The following ADGRA3 variants were observed in gnomAD, a reference collection of about 807,000 sequenced individuals.
ADGRA3 encodes the protein G-protein coupled receptor 125.
Under a neutral mutation model 119.8 loss-of-function variants are expected in ADGRA3, and 56 were observed. That is an observed-to-expected ratio of 0.47 (90% confidence interval 0.38 to 0.58). The LOEUF is 0.58. ADGRA3 is among the 20% of genes least tolerant of loss of function. The pLI, the probability that ADGRA3 is intolerant of heterozygous loss-of-function variation, is 0.00. For missense variants in ADGRA3, 1,516 were observed against 1,649.0 expected (o/e 0.92, Z 1.40); for synonymous variants, 607 against 623.8 (o/e 0.97, Z 0.40).
At chr4:22,421,355 A>G (rs987559437) in intron 11 of ADGRA3, among the ~76,000 whole-genome samples, 1 of 152,180 alleles carries the variant, frequency 6.6e-6, no homozygotes, top group African/African-American at 2.4e-5. Flanking sequence ...ATCAGGTCTA[A>G]GAAGTCAATT....
At chr4:22,473,591 T>A (rs1013297712) in intron 2 of ADGRA3, among the ~76,000 whole-genome samples, 181 bp downstream of exon 2, 4 of 152,238 alleles carry the variant, frequency 2.6e-5, no homozygotes, top group Admixed American at 6.5e-5. Context: ...TCTGGCCCTT[T>A]ACAGAATTTA....
At chr4:22,469,881 G>A (rs138239746) in intron 2 of ADGRA3, among the ~76,000 whole-genome samples, 4 of 152,188 alleles carry the variant, frequency 2.6e-5, no homozygotes, top group African/African-American at 7.2e-5. Flanking sequence ...CCACAAACTC[G>A]CAGACATTCA....
intron 16 of ADGRA3, among the ~76,000 whole-genome samples, chr4:22,397,527 A>C (rs770164120): frequency 1.3e-5 from 2 of 152,098 alleles, no homozygotes; most frequent in Non-Finnish European, 2.9e-5. Flanking sequence ...AGTAAATCAT[A>C]AAGTTTCATA....
chr4:22,500,287 C>A (rs996494073), intron 1 of ADGRA3, among the ~76,000 whole-genome samples: 7 of 152,260 alleles, frequency 4.6e-5, no homozygotes, highest in African/African-American at 1.7e-4. Context: ...GAAGCCAGGC[C>A]CAGCAGCCTA....
chr4:22,388,836 G>T lies in ADGRA3; in HGVS notation c.2835C>A (p.His945Gln). 2 of 1,614,020 alleles carry T rather than the reference G, an allele frequency of 1.2e-6. No individual in the cohort carries two copies. Among genetic ancestry groups the T allele is most frequent in the South Asian group, 2.2e-5 (2 of 91,080 alleles). ...CCTTAAGCTCATATTTGCGCTCAGGGTGTCTTTTCAACTGAATAAATATGC... is the reference window on the plus strand; with the variant it reads ...CCTTAAGCTCATATTTGCGCTCAGGTTGTCTTTTCAACTGAATAAATATGC... Reference protein sequence around the residue: ...FLSIFIQLKRHPERKYELKEP... With the variant: ...FLSIFIQLKRQPERKYELKEP... Residue 945 changes from histidine (H) to glutamine (Q), a missense_variant, in exon 19 of 19, where the codon CAC becomes CAA. His to Gln is a conservative substitution (Grantham distance 24). Coordinates refer to ENST00000334304, the MANE Select transcript of ADGRA3 (RefSeq NM_145290.4).
chr4:22,442,520 C>T (rs937183030), intron 7 of ADGRA3, 130 bp downstream of exon 7: 19 of 572,286 alleles, frequency 3.3e-5, no homozygotes, highest in African/African-American at 2.1e-4. Flanking sequence ...AAAGGAAATG[C>T]CAGATGTTTG....
chr4:22,448,143 G>GT (rs1325553531), intron 4 of ADGRA3, among the ~76,000 whole-genome samples: 1 of 152,150 alleles, frequency 6.6e-6, no homozygotes, highest in Admixed American at 6.5e-5. Context: ...ATTCTACAAT[G>GT]TGAGTGGTTT....
At chr4:22,455,587 A>G (rs977658149) in intron 3 of ADGRA3, among the ~76,000 whole-genome samples, 2 of 152,146 alleles carry the variant, frequency 1.3e-5, no homozygotes, top group Non-Finnish European at 2.9e-5. Flanking sequence ...CCTATTAAAT[A>G]TTACCTTCTA....
chr4:22,403,370 T>C (rs1714754415), intron 14 of ADGRA3, among the ~76,000 whole-genome samples: 1 of 151,918 alleles, frequency 6.6e-6, no homozygotes, highest in African/African-American at 2.4e-5. Context: ...TACAATCAGA[T>C]CATAACAATG....
In ADGRA3 at chr4:22,406,049, A is replaced by C. The variant is rs557680916; in HGVS notation, c.2233-3250T>G. 2.3e-4 allele frequency among the ~76,000 whole-genome samples: 35 copies of C among 152,238 alleles called. No individual in the cohort carries two copies. In the South Asian group the frequency reaches 7.3e-3, roughly 32 times the overall value. ...TCAACTTTTTCAGCTCCCACATATG[A>C]GTGAAAACATGCACTATTTGTCATT... On this transcript the variant is annotated intron_variant, in intron 14 of 18. Coordinates refer to ENST00000334304, the MANE Select transcript of ADGRA3 (RefSeq NM_145290.4).
intron 9 of ADGRA3, among the ~76,000 whole-genome samples, 192 bp downstream of exon 9, chr4:22,436,248 G>A (rs554101751): frequency 1.1e-4 from 16 of 151,906 alleles, no homozygotes; most frequent in African/African-American, 3.4e-4. Flanking sequence ...GACTGCAAAG[G>A]AAGGATTCTA....
chr4:22,443,079 C>T (rs1560319528), intron 6 of ADGRA3: 1 of 684,350 alleles, frequency 1.5e-6, no homozygotes, highest in Non-Finnish European at 2.6e-6. Flanking sequence ...CCAGTTCTGA[C>T]ATTTAGAGTT....
chr4:22,412,301 G>T (rs564072620), intron 14 of ADGRA3, among the ~76,000 whole-genome samples: 122 of 152,096 alleles, frequency 8.0e-4, no homozygotes, highest in African/African-American at 2.8e-3. Context: ...AACTAGCATG[G>T]TTTATTTCAT....
intron 1 of ADGRA3, among the ~76,000 whole-genome samples, chr4:22,512,737 G>A (rs1018795218): frequency 1.3e-5 from 2 of 152,184 alleles, no homozygotes; most frequent in African/African-American, 4.8e-5. Flanking sequence ...AAAGTCCTCA[G>A]AGAGAGCATG....
chr4:22,413,781 G>A lies in ADGRA3; in HGVS notation c.1843C>T (p.Pro615Ser). The change falls in exon 13 of 19, where the codon CCT becomes TCT. Residue 615 changes from proline (P) to serine (S), a missense_variant. By Grantham distance (74) the Pro-to-Ser change is moderately conservative (BLOSUM62 -1). This residue lies in a region of ADGRA3 where 1,088 missense variants were observed against 1,107.1 expected (regional missense o/e 0.98). Coordinates refer to ENST00000334304, the MANE Select transcript of ADGRA3 (RefSeq NM_145290.4). Reference sequence around the variant, plus strand: ...TTTTGCTTTGGTGAGAAAAGGGAAGGAGGAAGCTGAATAGAAGCCTCCACA... The same window carrying A: ...TTTTGCTTTGGTGAGAAAAGGGAAGAAGGAAGCTGAATAGAAGCCTCCACA... The part of the protein sequence containing the change: ...TIVEASIQLP[P>S]SLFSPKQKRE... The A allele has an allele frequency of 6.2e-7, 1 of 1,613,642 alleles. No homozygotes were observed. Among genetic ancestry groups the A allele is most frequent in the Non-Finnish European group, 8.5e-7 (1 of 1,179,790 alleles).
chr4:22,443,379 G>A (rs1207717679), intron 6 of ADGRA3, among the ~76,000 whole-genome samples: 2 of 152,008 alleles, frequency 1.3e-5, no homozygotes, highest in African/African-American at 4.8e-5. Flanking sequence ...CTTTCAGTCA[G>A]AAAAATAAAA....
At chr4:22,486,752 G>A (rs1291711613) in intron 1 of ADGRA3, among the ~76,000 whole-genome samples, 2 of 152,092 alleles carry the variant, frequency 1.3e-5, no homozygotes, top group Admixed American at 6.6e-5. Flanking sequence ...GGCAAACTCC[G>A]GAATACAAAA....
rs563721056 is a variant in ADGRA3 at position 22,470,768 on chromosome 4, C to T, written c.329+3004G>A. 3.3e-5 allele frequency among the ~76,000 whole-genome samples: 5 copies of T among 152,170 alleles called. No homozygotes were observed. In the East Asian group the frequency reaches 7.7e-4, roughly 24 times the overall value. ...ATAATGGCTTTACTCAGGGGGTGACCCCAGAATGCACCAGCAGAAAAGTGG... is the reference window on the plus strand; with the variant it reads ...ATAATGGCTTTACTCAGGGGGTGACTCCAGAATGCACCAGCAGAAAAGTGG... On this transcript the variant is annotated intron_variant, in intron 2 of 18. Transcript: ENST00000334304.
chr4:22,415,011 C>T (rs759411257), intron 12 of ADGRA3, among the ~76,000 whole-genome samples: 1 of 152,092 alleles, frequency 6.6e-6, no homozygotes, highest in Non-Finnish European at 1.5e-5. Context: ...ATTGCATCTT[C>T]AGATTAGCTG....
Sources: gnomAD v4.1 joint callset for allele counts (sites outside exome capture counted in the v4.1 genomes callset) on GRCh38, gnomAD v4.1.1 for gene constraint, gnomAD v4.1.1 regional missense constraint, MANE v1.5 for transcripts, NCBI Gene and HGNC (gene_info 2026-07-23, HGNC 2026-07-21) for gene names.